The following BCAS3 variants were observed in gnomAD, a reference collection of about 807,000 sequenced individuals.
BCAS3 encodes BCAS4/BCAS3 fusion.
A neutral mutation model predicts 116.1 loss-of-function variants in BCAS3; 53 were observed. The observed-to-expected ratio is 0.46, with a 90% CI of 0.37 to 0.57. The LOEUF is 0.57. Ranked by LOEUF, BCAS3 falls within the 20% of genes least tolerant of loss-of-function variation. The pLI, the probability that BCAS3 is intolerant of heterozygous loss-of-function variation, is 0.00. For missense variants in BCAS3, 917 were observed against 1,165.4 expected, an observed-to-expected ratio of 0.79 and a Z score of 3.10; for synonymous variants, 391 against 408.2, an observed-to-expected ratio of 0.96 and a Z score of 0.51.
intron 9 of BCAS3, among the ~76,000 whole-genome samples, chr17:60,876,877 C>T (rs2055659140): frequency 1.3e-5 from 2 of 152,062 alleles, no homozygotes. Flanking sequence ...CATAATGTGT[C>T]TATCATGTCC....
At chr17:61,107,385 A>G (rs1236225183) in intron 22 of BCAS3, among the ~76,000 whole-genome samples, 1 of 151,936 alleles carries the variant, frequency 6.6e-6, no homozygotes, top group African/African-American at 2.4e-5. Flanking sequence ...GTGCCTGGCC[A>G]CTTTTGTGTC....
chr17:61,106,214 A>G lies in BCAS3; in HGVS notation c.2425+21650A>G, dbSNP rs2074638929. On this transcript the variant is annotated intron_variant, in intron 22 of 23. Transcript: ENST00000407086. This position sits in a 1 kb window ranked among gnomAD's most constrained non-coding sequence, Gnocchi z 4.2. The stretch of plus-strand genomic sequence containing the variant: ...TAAACTGTATCATAGGTCTGTACAT[A>G]TAGGAAAAAACATGGTATATACAGT... Among the ~76,000 whole-genome samples the G allele has an allele frequency of 2.6e-5, 4 of 152,214 alleles. No individual in the cohort carries two copies. The highest frequency in any genetic ancestry group is 5.9e-5 in the Non-Finnish European group (4 of 68,032).
At chr17:61,193,123 G>A (rs998671934) in intron 22 of BCAS3, among the ~76,000 whole-genome samples, 3 of 152,242 alleles carry the variant, frequency 2.0e-5, no homozygotes, top group Non-Finnish European at 4.4e-5. Context: ...TTAGCTGGGT[G>A]TGGTGGCACA....
intron 22 of BCAS3, among the ~76,000 whole-genome samples, chr17:61,320,816 T>C (rs540416490): frequency 6.6e-6 from 1 of 152,318 alleles, no homozygotes; most frequent in Admixed American, 6.5e-5. Context: ...GTATGTTTCA[T>C]ATATATTCTT....
intron 22 of BCAS3, among the ~76,000 whole-genome samples, chr17:61,216,614 G>T (rs1489082337): frequency 1.3e-5 from 2 of 151,586 alleles, no homozygotes; most frequent in Non-Finnish European, 2.9e-5. Context: ...GGCAATCTCG[G>T]CTCACTGCAA....
Position 61,041,039 on chromosome 17 carries a change from A to G in BCAS3, c.2029+147A>G, listed in dbSNP as rs554211553. The G allele has an allele frequency of 1.6e-6, 1 of 617,970 alleles. No homozygotes were observed. The highest frequency in any genetic ancestry group is 2.1e-5 in the South Asian group (1 of 47,258). The allele number at this position is 617,970 out of a possible 1,614,324, so 38.3% of individuals were successfully genotyped here. A position where few individuals can be genotyped will look rare whatever the true frequency, so the allele number is the denominator to read the frequency against. On this transcript the variant is annotated intron_variant, in intron 19 of 23. Transcript: ENST00000407086. The surrounding 1 kb of genome is among the most constrained non-coding windows in gnomAD (Gnocchi z 4.7). ...TGAGGCAAATAAGATATTTAATATG[A>G]ATATAAACTGTAAGCCTTAGTATAC...
chr17:61,014,482 T>C (rs1488883802), intron 15 of BCAS3, among the ~76,000 whole-genome samples: 1 of 152,124 alleles, frequency 6.6e-6, no homozygotes, highest in Admixed American at 6.6e-5. Context: ...AAGGATAATC[T>C]TTTTAGCAAA....
intron 5 of BCAS3, among the ~76,000 whole-genome samples, chr17:60,710,929 A>G (rs2037840023): frequency 6.6e-6 from 1 of 151,296 alleles, no homozygotes; most frequent in Non-Finnish European, 1.5e-5. Flanking sequence ...CAGCCTCTGG[A>G]GTAGCTGGGA....
intron 6 of BCAS3, among the ~76,000 whole-genome samples, chr17:60,783,694 C>T (rs1230128649): frequency 6.6e-6 from 1 of 152,178 alleles, no homozygotes; most frequent in Non-Finnish European, 1.5e-5. Context: ...CAGTATTCCT[C>T]ATAATAGCTA....
chr17:60,957,438 T>G (rs1292850816), intron 14 of BCAS3, among the ~76,000 whole-genome samples: 1 of 152,192 alleles, frequency 6.6e-6, no homozygotes, highest in Non-Finnish European at 1.5e-5. Context: ...GCTTTCTGTA[T>G]TTATTTTTGT....
intron 22 of BCAS3, among the ~76,000 whole-genome samples, chr17:61,116,540 A>G (rs2075468563): frequency 6.6e-6 from 1 of 152,182 alleles, no homozygotes; most frequent in Non-Finnish European, 1.5e-5. Flanking sequence ...TTAGGAGGAG[A>G]AGAAAAGCTT....
At chr17:60,713,433 A>C (rs569096135) in intron 5 of BCAS3, among the ~76,000 whole-genome samples, 1 of 152,290 alleles carries the variant, frequency 6.6e-6, no homozygotes, top group South Asian at 2.1e-4. Context: ...CTAGAAAAAA[A>C]TGACTCTCAT....
chr17:60,726,122 T>C (rs2039813737), intron 5 of BCAS3, among the ~76,000 whole-genome samples: 3 of 150,402 alleles, frequency 2.0e-5, no homozygotes, highest in Non-Finnish European at 4.4e-5. Context: ...CTCGAACTCC[T>C]GACCTCAGGT....
intron 22 of BCAS3, among the ~76,000 whole-genome samples, chr17:61,240,073 G>C (rs2047375745): frequency 6.6e-6 from 1 of 152,116 alleles, no homozygotes; most frequent in Admixed American, 6.6e-5. Context: ...AAAGCATCTT[G>C]TAGATGTTTG....
chr17:60,682,596 C>T (rs1033710438), intron 2 of BCAS3, among the ~76,000 whole-genome samples: 6 of 152,078 alleles, frequency 3.9e-5, no homozygotes, highest in Non-Finnish European at 8.8e-5. Flanking sequence ...GGTCTTGACT[C>T]ACTGCAACCT....
chr17:61,056,165 G>T lies in BCAS3; in HGVS notation c.2029+15273G>T, dbSNP rs1003744708. Among the ~76,000 whole-genome samples, 1 of 152,162 alleles carries T rather than the reference G, an allele frequency of 6.6e-6. No individual in the cohort carries two copies. Among genetic ancestry groups the T allele is most frequent in the Admixed American group, 6.5e-5 (1 of 15,272 alleles). On this transcript the variant is annotated intron_variant, in intron 19 of 23. Transcript: ENST00000407086. The surrounding 1 kb of genome is among the most constrained non-coding windows in gnomAD (Gnocchi z 4.9). ...ACTTGTTCTGTCTCCAGCTCCAAGT[G>T]TATAGACAGACTTGGGAAGAGATGG...
chr17:60,869,247 A>G (rs2054892411), intron 8 of BCAS3, among the ~76,000 whole-genome samples: 1 of 152,204 alleles, frequency 6.6e-6, no homozygotes, highest in Non-Finnish European at 1.5e-5. Flanking sequence ...TGTGACCTCT[A>G]CTGCTAATGA....
In BCAS3 at chr17:60,830,836, G is replaced by T. The variant is rs568795094; in HGVS notation, c.476+22760G>T. Among the ~76,000 whole-genome samples, 119 of 146,582 alleles carry T rather than the reference G, an allele frequency of 8.1e-4. 2 individuals are homozygous for T. In the South Asian group the frequency reaches 0.025, roughly 30 times the overall value. On this transcript the variant is annotated intron_variant, in intron 7 of 23. Transcript: ENST00000407086. ...AACTACTATAATATTCTAGAGCCAA[G>T]ATTTAATTTTTGGGTTTTTTTTTTT... is the stretch of plus-strand genomic sequence containing the variant.
At chr17:60,922,672 A>G (rs7215022) in intron 12 of BCAS3, among the ~76,000 whole-genome samples, 16 of 152,328 alleles carry the variant, frequency 1.1e-4, no homozygotes, top group African/African-American at 3.1e-4. Context: ...CATCTGAGAC[A>G]TTCATTGTAC....
Sources: allele counts gnomAD v4.1 joint callset (sites outside exome capture counted in the v4.1 genomes callset), GRCh38; gene constraint gnomAD v4.1.1; non-coding constraint Gnocchi (gnomAD v3.1); transcripts MANE v1.5; gene names NCBI Gene and HGNC (gene_info 2026-07-23, HGNC 2026-07-21).